Variants in CNTNAP2 observed in about 807,000 individuals in gnomAD.
The protein encoded by CNTNAP2 is contactin associated protein 2, also known as contactin-associated protein-like 2.
Under a neutral mutation model 155.2 loss-of-function variants are expected in CNTNAP2, and 98 were observed. The ratio of observed to expected loss-of-function variants is 0.63; its 90% CI spans 0.54 to 0.75. The LOEUF (loss-of-function observed/expected upper bound fraction) is 0.75. Ranked by LOEUF, CNTNAP2 falls within the 30% of genes least tolerant of loss-of-function variation. The pLI, the probability that CNTNAP2 is intolerant of heterozygous loss-of-function variation, is 0.00. For missense variants in CNTNAP2, 1,727 were observed against 1,688.1 expected (o/e 1.02, Z -0.40); for synonymous variants, 651 against 631.2 (o/e 1.03, Z -0.47).
chr7:148,208,852 C>T lies in CNTNAP2; in HGVS notation c.3011-8436C>T, dbSNP rs544330784. Reference sequence around the variant, plus strand: ...TTTTTCCTTGGCCTCATTCAGACCTCGTGTTCAAGGGGTCCCCGGGGTGCC... The same window carrying T: ...TTTTTCCTTGGCCTCATTCAGACCTTGTGTTCAAGGGGTCCCCGGGGTGCC... On this transcript the variant is annotated intron_variant, in intron 18 of 23. Coordinates refer to ENST00000361727, the MANE Select transcript of CNTNAP2 (RefSeq NM_014141.6). Among the ~76,000 whole-genome samples the T allele has an allele frequency of 1.8e-4, 27 of 152,244 alleles. No homozygotes were observed. The South Asian group carries it at 4.2e-3, about 23-fold the overall frequency.
intron 1 of CNTNAP2, among the ~76,000 whole-genome samples, chr7:146,219,673 G>C (rs1490023171): frequency 6.6e-6 from 1 of 152,142 alleles, no homozygotes; most frequent in Non-Finnish European, 1.5e-5. Flanking sequence ...GATGGGTCTG[G>C]AGCAATACCT....
intron 8 of CNTNAP2, among the ~76,000 whole-genome samples, chr7:147,207,049 T>C (rs1345502854): frequency 6.6e-6 from 1 of 152,174 alleles, no homozygotes; most frequent in Non-Finnish European, 1.5e-5. Flanking sequence ...ACCTGCCCAC[T>C]GCAGTCCCTA....
chr7:146,263,100 T>G (rs1322753401), intron 1 of CNTNAP2, among the ~76,000 whole-genome samples: 1 of 152,026 alleles, frequency 6.6e-6, no homozygotes, highest in Non-Finnish European at 1.5e-5. Context: ...GGACAAATCA[T>G]GAGGTCAGGA....
intron 1 of CNTNAP2, among the ~76,000 whole-genome samples, chr7:146,721,628 CATTCTATAT>C (rs1801321521): frequency 1.2e-5 from 1 of 86,386 alleles, no homozygotes; most frequent in African/African-American, 8.7e-5. Context: ...ATTCTATATA[CATTCTATAT>C]ATATTCTATA....
intron 3 of CNTNAP2, among the ~76,000 whole-genome samples, chr7:147,017,280 C>G (rs1031760046): frequency 6.7e-6 from 1 of 149,244 alleles, no homozygotes. Context: ...CGTTATTTAA[C>G]TGGAAAGTAT....
intron 1 of CNTNAP2, among the ~76,000 whole-genome samples, chr7:146,691,826 T>C (rs1800701834): frequency 1.3e-5 from 2 of 152,136 alleles, no homozygotes; most frequent in African/African-American, 4.8e-5. Flanking sequence ...TTGTTTAACC[T>C]GTAAATTCAA....
intron 1 of CNTNAP2, among the ~76,000 whole-genome samples, chr7:146,655,056 T>A (rs1799972970): frequency 6.6e-6 from 1 of 152,134 alleles, no homozygotes; most frequent in Non-Finnish European, 1.5e-5. Context: ...TAATTATAAA[T>A]TTATAAGCCT....
intron 10 of CNTNAP2, among the ~76,000 whole-genome samples, chr7:147,471,249 C>A (rs1798211993): frequency 6.6e-6 from 1 of 152,062 alleles, no homozygotes; most frequent in African/African-American, 2.4e-5. Flanking sequence ...CAAAGTTTAA[C>A]CTGAAACTTA....
intron 1 of CNTNAP2, among the ~76,000 whole-genome samples, chr7:146,184,016 A>G (rs1798587829): frequency 6.6e-6 from 1 of 151,546 alleles, no homozygotes; most frequent in Admixed American, 6.6e-5. Context: ...CCTAGGTCTC[A>G]AGGTCTCCCT....
chr7:147,260,748 T>C (rs1804444934), intron 8 of CNTNAP2, among the ~76,000 whole-genome samples: 1 of 152,200 alleles, frequency 6.6e-6, no homozygotes, highest in South Asian at 2.1e-4. Flanking sequence ...ATTATTTAGT[T>C]GAGAGGTGTA....
chr7:146,861,647 T>C (rs1795103667), intron 3 of CNTNAP2, among the ~76,000 whole-genome samples: 1 of 152,076 alleles, frequency 6.6e-6, no homozygotes, highest in East Asian at 1.9e-4. Flanking sequence ...ACTATCATTA[T>C]AAAAAATCAG....
chr7:148,355,727 C>G (rs1303507785), intron 21 of CNTNAP2, among the ~76,000 whole-genome samples: 1 of 152,210 alleles, frequency 6.6e-6, no homozygotes, highest in Non-Finnish European at 1.5e-5. Flanking sequence ...ATAGTCATAT[C>G]TATCACCTTT....
intron 8 of CNTNAP2, among the ~76,000 whole-genome samples, chr7:147,210,055 C>A (rs1446031896): frequency 2.6e-5 from 4 of 151,832 alleles, no homozygotes; most frequent in Non-Finnish European, 5.9e-5. Context: ...TTGAAGTTTT[C>A]TTTTTCATTG....
intron 4 of CNTNAP2, among the ~76,000 whole-genome samples, chr7:147,060,944 A>G (rs73467058): frequency 0.051 from 7,749 of 151,900 alleles, no homozygotes; most frequent in African/African-American, 0.15. Flanking sequence ...GAGATGTAGT[A>G]TTATGGATAA....
At chr7:146,634,558 G>A (rs1799566937) in intron 1 of CNTNAP2, among the ~76,000 whole-genome samples, 1 of 152,114 alleles carries the variant, frequency 6.6e-6, no homozygotes, top group Non-Finnish European at 1.5e-5. Flanking sequence ...CCCCTGATCA[G>A]ATGATCTTTC....
Position 148,006,316 on chromosome 7 carries a change from CTTTTTTT to C in CNTNAP2, c.2383+28342_2383+28348del, listed in dbSNP as rs68011639. 1.6e-4 allele frequency among the ~76,000 whole-genome samples: 19 copies of C among 118,990 alleles called. 1 individual carries two copies. Among genetic ancestry groups the C allele is most frequent in the East Asian group, 2.2e-4 (1 of 4,502 alleles). 78.1% of individuals were successfully genotyped at this position (118,990 alleles called of 152,430 possible). A position where few individuals can be genotyped will look rare whatever the true frequency, so the allele number is the denominator to read the frequency against. On this transcript the variant is annotated intron_variant, in intron 15 of 23. Coordinates refer to ENST00000361727, the MANE Select transcript of CNTNAP2 (RefSeq NM_014141.6). ...ATGCCAATAAGCTTTATAGGAAGTT[CTTTTTTT>C]TTTTTTTTTTTTTTGAAACAGAGTC...
intron 15 of CNTNAP2, among the ~76,000 whole-genome samples, chr7:148,071,924 A>G (rs751138942): frequency 1.6e-4 from 24 of 152,324 alleles, no homozygotes; most frequent in Non-Finnish European, 2.9e-4. Context: ...TCAAATAGCT[A>G]TAAAAATTTC....
intron 3 of CNTNAP2, among the ~76,000 whole-genome samples, chr7:146,903,029 T>C (rs1178490406): frequency 2.0e-5 from 3 of 152,204 alleles, no homozygotes; most frequent in Non-Finnish European, 4.4e-5. Context: ...TCAAATGACA[T>C]ATCTACCGAT....
intron 13 of CNTNAP2, among the ~76,000 whole-genome samples, chr7:147,654,681 C>T (rs1349627315): frequency 6.6e-6 from 1 of 152,066 alleles, no homozygotes; most frequent in Non-Finnish European, 1.5e-5. Context: ...ATGTTGATTT[C>T]CTCCCATGAA....
Sources: allele counts gnomAD v4.1 joint callset (sites outside exome capture counted in the v4.1 genomes callset), GRCh38; gene constraint gnomAD v4.1.1; transcripts MANE v1.5; gene names NCBI Gene and HGNC (gene_info 2026-07-23, HGNC 2026-07-21).